The following MAST4 variants were observed in gnomAD, a reference collection of about 807,000 sequenced individuals.
MAST4 encodes microtubule-associated serine/threonine-protein kinase 4.
A neutral mutation model predicts 162.7 loss-of-function variants in MAST4; 89 were observed. The ratio of observed to expected loss-of-function variants is 0.55; its 90% confidence interval spans 0.46 to 0.65. The LOEUF (loss-of-function observed/expected upper bound fraction) is 0.65, where lower values mean the gene tolerates loss of function less well. Ranked by LOEUF, MAST4 falls within the 30% of genes least tolerant of loss-of-function variation. MAST4 has a pLI of 0.00. For synonymous variants in MAST4, 1,479 were observed against 1,361.1 expected (o/e 1.09, Z -1.91); for missense variants, 3,153 against 3,374.0 (o/e 0.93, Z 1.62).
At chr5:67,054,549 A>G in intron 5 of MAST4, 57 bp downstream of exon 5, 2 of 1,434,158 alleles carry the variant, frequency 1.4e-6, no homozygotes, top group South Asian at 1.3e-5. Flanking sequence ...TGGTTTTTTA[A>G]AATAATTAAT....
At chr5:66,879,708 T>C (rs538619263) in intron 3 of MAST4, among the ~76,000 whole-genome samples, 1 of 152,322 alleles carries the variant, frequency 6.6e-6, no homozygotes, top group South Asian at 2.1e-4. Flanking sequence ...AGATGGGATT[T>C]CGCGATGACG....
intron 14 of MAST4, among the ~76,000 whole-genome samples, chr5:67,127,074 C>T (rs1768335576): frequency 6.6e-6 from 1 of 152,000 alleles, no homozygotes; most frequent in Admixed American, 6.6e-5. Context: ...GATTTTTGCA[C>T]ATTGGTTTTA....
At chr5:67,138,519 C>T (rs1333179986) in intron 19 of MAST4, among the ~76,000 whole-genome samples, 1 of 151,764 alleles carries the variant, frequency 6.6e-6, no homozygotes, top group African/African-American at 2.4e-5. Context: ...TTGCAACCTC[C>T]GCCTCCCAGG....
At chr5:66,987,866 T>G (rs540355878) in intron 4 of MAST4, among the ~76,000 whole-genome samples, 1 of 152,352 alleles carries the variant, frequency 6.6e-6, no homozygotes, top group South Asian at 2.1e-4. Flanking sequence ...TAGTTAGGAT[T>G]ACACTGACTA....
rs534288225 is a variant in MAST4, at chr5:67,111,487, A to G, written c.1458+1288A>G. On this transcript the variant is annotated intron_variant, in intron 11 of 28. Transcript: ENST00000403625. ...ATCAATGGTGAGGACCCTTAGAATC[A>G]TAGAATCAAACACACCATTTGGCAT... Among the ~76,000 whole-genome samples the G allele has an allele frequency of 4.2e-4, 64 of 152,182 alleles. No individual in the cohort carries two copies. The South Asian group carries it at 1.0e-2, about 24-fold the overall frequency.
intron 14 of MAST4, among the ~76,000 whole-genome samples, chr5:67,129,731 A>G (rs1041540884): frequency 1.5e-3 from 1 of 658 alleles, no homozygotes; most frequent in African/African-American, 6.3e-3. Flanking sequence ...CTCAAAAAAA[A>G]AAAAGAAAAA....
chr5:66,722,448 T>C (rs1751271332), intron 1 of MAST4, among the ~76,000 whole-genome samples: 1 of 134,280 alleles, frequency 7.4e-6, no homozygotes, highest in Non-Finnish European at 1.6e-5. Context: ...TTTACCTGGT[T>C]CTGGGTTTTT....
chr5:66,788,607 C>CCAACCAAAAAAAA, intron 2 of MAST4, 63 bp from the exon 3 acceptor site: 1 of 1,373,722 alleles, frequency 7.3e-7, no homozygotes, highest in Non-Finnish European at 1.0e-6. Context: ...CCCCCACCCC[C>CCAACCAAAAAAAA]ATTGCAATAA....
chr5:66,977,356 C>A (rs1453260330), intron 4 of MAST4, among the ~76,000 whole-genome samples: 2 of 152,154 alleles, frequency 1.3e-5, no homozygotes, highest in African/African-American at 4.8e-5. Context: ...CCGCCTCAGT[C>A]TCCCAAAGTG....
intron 4 of MAST4, among the ~76,000 whole-genome samples, chr5:66,952,161 G>A (rs1744785535): frequency 6.6e-6 from 1 of 152,156 alleles, no homozygotes; most frequent in South Asian, 2.1e-4. Flanking sequence ...AGGGACCCAT[G>A]TTGTCTGGGG....
rs1759989909 is a variant in MAST4, at chr5:66,860,126, G to T, written c.643-39825G>T. Among the ~76,000 whole-genome samples the T allele has an allele frequency of 1.3e-5, 2 of 152,176 alleles. 1 individual carries two copies. The highest frequency in any genetic ancestry group is 4.1e-4 in the South Asian group (2 of 4,832). ...CTGGCCAAATTAGATTTGAATTCCA[G>T]CTCCACTTATCAGCTCTGTGACCTC... On this transcript the variant is annotated intron_variant, in intron 3 of 28. Coordinates refer to ENST00000403625, the MANE Select transcript of MAST4 (RefSeq NM_001164664.2).
At chr5:66,778,875 G>T (rs983213886) in intron 2 of MAST4, among the ~76,000 whole-genome samples, 5 of 152,282 alleles carry the variant, frequency 3.3e-5, no homozygotes, top group East Asian at 3.9e-4. Flanking sequence ...TGTATGTTCT[G>T]TTGTTTTTCA....
Position 66,952,048 on chromosome 5 carries a change from A to G in MAST4, c.674+52066A>G, listed in dbSNP as rs907752465. The stretch of plus-strand genomic sequence containing the variant: ...GCATTTCTCTTAAATGGTTTATTTC[A>G]TTGTTCATGTGGAGCATATCCTGCA... On this transcript the variant is annotated intron_variant, in intron 4 of 28. Transcript: ENST00000403625. Among the ~76,000 whole-genome samples, 6 of 152,064 alleles carry G rather than the reference A, an allele frequency of 3.9e-5. No homozygotes were observed. The East Asian group carries it at 7.8e-4, about 20-fold the overall frequency.
chr5:66,612,986 A>G (rs16895308), intron 1 of MAST4, among the ~76,000 whole-genome samples: 25,578 of 152,208 alleles, frequency 0.17, 2,455 homozygotes, highest in East Asian at 0.28. Flanking sequence ...TGTTTTCTCT[A>G]TTACCAGCTT....
intron 1 of MAST4, among the ~76,000 whole-genome samples, chr5:66,693,150 A>G (rs1165283329): frequency 2.6e-5 from 4 of 152,158 alleles, no homozygotes; most frequent in Non-Finnish European, 5.9e-5. Flanking sequence ...GAAAGTGTGA[A>G]TTTAGCAGCC....
At chr5:66,797,973 C>T (rs1313349395) in intron 3 of MAST4, among the ~76,000 whole-genome samples, 3 of 152,114 alleles carry the variant, frequency 2.0e-5, no homozygotes, top group Non-Finnish European at 4.4e-5. Context: ...TTAATCTGCA[C>T]CCTAGAATAC....
intron 3 of MAST4, among the ~76,000 whole-genome samples, chr5:66,851,488 GC>G (rs1759310161): frequency 6.6e-6 from 1 of 152,196 alleles, no homozygotes; most frequent in Non-Finnish European, 1.5e-5. Context: ...GCCTTGAGTA[GC>G]CTCAGATGCA....
At chr5:66,926,884 A>C (rs1764945397) in intron 4 of MAST4, among the ~76,000 whole-genome samples, 1 of 152,194 alleles carries the variant, frequency 6.6e-6, no homozygotes, top group Admixed American at 6.5e-5. Context: ...TACCAAATTT[A>C]CATCAGTGGT....
Position 67,015,814 on chromosome 5 carries a change from AT to A in MAST4, c.675-38589del, listed in dbSNP as rs1753223311. On this transcript the variant is annotated intron_variant, in intron 4 of 28. Coordinates refer to ENST00000403625, the MANE Select transcript of MAST4 (RefSeq NM_001164664.2). The stretch of plus-strand genomic sequence containing the variant: ...TGGAGGGGCTATTTATGAGTCATGC[AT>A]CTCTCTGTGACCCTTTTACTGCTTT... Among the ~76,000 whole-genome samples, 4 of 152,234 alleles carry A rather than the reference AT, an allele frequency of 2.6e-5. No individual in the cohort carries two copies. In the South Asian group the frequency reaches 8.3e-4, roughly 32 times the overall value.
Sources: allele counts gnomAD v4.1 joint callset (sites outside exome capture counted in the v4.1 genomes callset), GRCh38; gene constraint gnomAD v4.1.1; transcripts MANE v1.5; gene names NCBI Gene and HGNC (gene_info 2026-07-23, HGNC 2026-07-21).